Variants in AXIN1 observed in about 807,000 individuals in gnomAD.
AXIN1 encodes axin-1.
Under a neutral mutation model 76.4 loss-of-function variants are expected in AXIN1, and 30 were observed. That is an observed-to-expected ratio of 0.39 (90% CI 0.29 to 0.53). The LOEUF (loss-of-function observed/expected upper bound fraction) is 0.53, where lower values mean the gene tolerates loss of function less well. Among genes scored for constraint, AXIN1 ranks in the 20% least tolerant of loss-of-function variants. The probability of loss-of-function intolerance (pLI) is 0.66; values close to 1 mark genes in which losing one functional copy is unlikely to be tolerated. For synonymous variants in AXIN1, 545 were observed against 501.4 expected (o/e 1.09, Z -1.16); for missense variants, 1,140 against 1,198.8 (o/e 0.95, Z 0.72).
intron 1 of AXIN1, among the ~76,000 whole-genome samples, chr16:349,024 G>A (rs918508219): frequency 6.6e-6 from 1 of 151,742 alleles, no homozygotes; most frequent in Non-Finnish European, 1.5e-5. Flanking sequence ...CATGAACCCG[G>A]GAGGCAGAGC....
At chr16:338,927 G>GAAAA (rs748212713) in intron 2 of AXIN1, among the ~76,000 whole-genome samples, 1 of 142,124 alleles carries the variant, frequency 7.0e-6, no homozygotes, top group African/African-American at 2.6e-5. Context: ...CCATCTTGGG[G>GAAAA]AAAAAAAAAA....
chr16:300,316 G>A (rs2052836507), intron 5 of AXIN1, among the ~76,000 whole-genome samples: 1 of 152,158 alleles, frequency 6.6e-6, no homozygotes, highest in Non-Finnish European at 1.5e-5. Context: ...AGCCTGCCAA[G>A]TAGCTGGGAC....
chr16:308,329 G>GCACTC (rs2053082987), intron 4 of AXIN1, among the ~76,000 whole-genome samples: 1 of 152,190 alleles, frequency 6.6e-6, no homozygotes, highest in Non-Finnish European at 1.5e-5. Context: ...CACGTTCCAG[G>GCACTC]CACCAACGCA....
At chr16:339,547 C>T (rs1415057838) in intron 2 of AXIN1, among the ~76,000 whole-genome samples, 3 of 149,420 alleles carry the variant, frequency 2.0e-5, no homozygotes, top group Non-Finnish European at 4.4e-5. Context: ...CCAGGCATGG[C>T]GGCAGGTGCC....
At chr16:299,930 C>G (rs2052825861) in intron 5 of AXIN1, among the ~76,000 whole-genome samples, 1 of 152,126 alleles carries the variant, frequency 6.6e-6, no homozygotes, top group Non-Finnish European at 1.5e-5. Context: ...GCTGGGATTA[C>G]AAGTGTGAGC....
intron 7 of AXIN1, among the ~76,000 whole-genome samples, chr16:296,143 G>A (rs543164640): frequency 2.0e-5 from 3 of 152,296 alleles, no homozygotes; most frequent in African/African-American, 4.8e-5. Context: ...CTGTTCCCTC[G>A]GGAGCCCCAG....
rs533254123 is a variant in AXIN1 at position 289,696 on chromosome 16, C to A, written c.2295-89G>T. 175 of 1,544,490 alleles carry A rather than the reference C, an allele frequency of 1.1e-4. No individual in the cohort carries two copies. In the African/African-American group the frequency reaches 2.0e-3, roughly 18 times the overall value. On this transcript the variant is annotated intron_variant, in intron 9 of 10. Coordinates refer to ENST00000262320, the MANE Select transcript of AXIN1 (RefSeq NM_003502.4). ...CTGGCCTCAGGCTGCCAGTGTAAGG[C>A]GGGGCAGGCCTGCAGGGGTGAGCAG...
rs768762328 is a variant in AXIN1 at position 288,257 on chromosome 16, C to G, written c.2463-9G>C. Reference sequence around the variant, plus strand: ...CTTTCTTGAAGTAGTATCTGCAGGACGGAGGTGAGGAGGGCAGTGAGCAGG... The same window carrying G: ...CTTTCTTGAAGTAGTATCTGCAGGAGGGAGGTGAGGAGGGCAGTGAGCAGG... On this transcript the variant is annotated splice_polypyrimidine_tract_variant and intron_variant, in intron 10 of 10. Coordinates refer to ENST00000262320, the MANE Select transcript of AXIN1 (RefSeq NM_003502.4). 2 of 1,613,340 alleles carry G rather than the reference C, an allele frequency of 1.2e-6. No homozygotes were observed. The highest frequency in any genetic ancestry group is 1.7e-6 in the Non-Finnish European group (2 of 1,180,000).
rs930276247 is a variant in AXIN1, at chr16:293,224, G to C, written c.2186+264C>G. The C allele has an allele frequency of 3.6e-6, 2 of 551,500 alleles. No individual in the cohort carries two copies. Among genetic ancestry groups the C allele is most frequent in the Non-Finnish European group, 6.5e-6 (2 of 306,914 alleles). The allele number at this position is 551,500 out of a possible 1,614,324, so 34.2% of individuals were successfully genotyped here. A position where few individuals can be genotyped will look rare whatever the true frequency, so the allele number is the denominator to read the frequency against. ...GCAGCCTCCCTGCAGACTGGGCTCA[G>C]GTTGAGGAGGGACCCCGCCTCCAGA... On this transcript the variant is annotated intron_variant, in intron 8 of 10. Transcript: ENST00000262320. The surrounding 1 kb of genome is among the most constrained non-coding windows in gnomAD (Gnocchi z 4.6).
chr16:301,130 G>A (rs1169179115), intron 5 of AXIN1, among the ~76,000 whole-genome samples: 3 of 152,070 alleles, frequency 2.0e-5, no homozygotes, highest in Non-Finnish European at 2.9e-5. Flanking sequence ...AATTAGCCGG[G>A]CGTGATGGTG....
intron 4 of AXIN1, among the ~76,000 whole-genome samples, chr16:309,418 G>A (rs2053115666): frequency 6.6e-6 from 1 of 152,204 alleles, no homozygotes; most frequent in Non-Finnish European, 1.5e-5. Flanking sequence ...TGTAGACGGA[G>A]TCAGGCTGTG....
At position 314,889 on chromosome 16, in the gene AXIN1, G is replaced by A. The variant is rs147329107; in HGVS notation, c.879-206C>T. 1.1e-4 allele frequency among the ~76,000 whole-genome samples: 17 copies of A among 152,284 alleles called. No homozygotes were observed. In the East Asian group the frequency reaches 1.9e-3, roughly 17 times the overall value. On this transcript the variant is annotated intron_variant, in intron 2 of 10. Transcript: ENST00000262320. ...TTTCAACGGGGTGCATTAAAGCACCGGGCATCTTTCCAGATCTCTCCTCTG... is the reference window on the plus strand; with the variant it reads ...TTTCAACGGGGTGCATTAAAGCACCAGGCATCTTTCCAGATCTCTCCTCTG...
At chr16:300,867 A>G (rs982311239) in intron 5 of AXIN1, among the ~76,000 whole-genome samples, 1 of 152,208 alleles carries the variant, frequency 6.6e-6, no homozygotes, top group African/African-American at 2.4e-5. Flanking sequence ...CGAGCTCCAC[A>G]TCGGCAGGAA....
intron 5 of AXIN1, among the ~76,000 whole-genome samples, chr16:303,189 C>G (rs2052920633): frequency 6.6e-6 from 1 of 152,018 alleles, no homozygotes; most frequent in Non-Finnish European, 1.5e-5. Flanking sequence ...AGTGAGACGA[C>G]CAGGTGGGAA....
chr16:347,244 C>G (rs1018255500), intron 1 of AXIN1, 138 bp from the exon 2 acceptor site: 1 of 821,646 alleles, frequency 1.2e-6, no homozygotes, highest in African/African-American at 1.7e-5. Context: ...AATGTTCAAT[C>G]AAGATATATT....
Position 291,192 on chromosome 16 carries a change from T to C in AXIN1, c.2292A>G (p.Thr764=). ...GAGGACCCTCAGGACGCACGTACTC[T>C]GTCTCGGAGAGCTCCATGTCCGACA... ...PAVSDMELSE[T]ETRSQRKVGG... is the part of the protein sequence containing the mutation. The change falls in exon 9 of 11, where the codon ACA becomes ACG. Residue 764 remains threonine, a splice_region_variant and synonymous_variant. Coordinates refer to ENST00000262320, the MANE Select transcript of AXIN1 (RefSeq NM_003502.4). 1.3e-6 allele frequency: 2 copies of C among 1,580,946 alleles called. No homozygotes were observed. Among genetic ancestry groups the C allele is most frequent in the African/African-American group, 1.3e-5 (1 of 74,762 alleles).
intron 2 of AXIN1, among the ~76,000 whole-genome samples, chr16:321,719 A>G (rs1245189026): frequency 2.0e-5 from 3 of 151,598 alleles, no homozygotes; most frequent in East Asian, 3.9e-4. Flanking sequence ...CAACCCACGA[A>G]GGGTTAAACC....
At chr16:288,384 C>G in intron 10 of AXIN1, 136 bp from the exon 11 acceptor site, 1 of 1,309,356 alleles carries the variant, frequency 7.6e-7, no homozygotes, top group Non-Finnish European at 1.1e-6. Flanking sequence ...ACTGCATGTG[C>G]GCCCCCTCCC....
At chr16:327,034 C>T (rs570218366) in intron 2 of AXIN1, among the ~76,000 whole-genome samples, 2 of 151,780 alleles carry the variant, frequency 1.3e-5, no homozygotes, top group African/African-American at 4.8e-5. Flanking sequence ...CCCAGCTACT[C>T]GGGAGCCTGA....
Sources: allele counts gnomAD v4.1 joint callset (sites outside exome capture counted in the v4.1 genomes callset), GRCh38; gene constraint gnomAD v4.1.1; non-coding constraint Gnocchi (gnomAD v3.1); transcripts MANE v1.5; gene names NCBI Gene and HGNC (gene_info 2026-07-23, HGNC 2026-07-21).